Variants in TSPAN9 observed in about 807,000 individuals in gnomAD.
TSPAN9 encodes the protein tetraspanin 9.
In TSPAN9, 16 loss-of-function variants were observed where a neutral mutation model predicts 31.0. That is an observed-to-expected ratio of 0.52 (90% CI 0.35 to 0.78). TSPAN9 has a LOEUF of 0.78. TSPAN9 is among the 30% of genes least tolerant of loss of function. The pLI is 0.01. For synonymous variants in TSPAN9, 145 were observed against 121.6 expected (o/e 1.19, Z -1.27); for missense variants, 272 against 312.5 (o/e 0.87, Z 0.98).
chr12:3,194,386 G>GT (rs2098366062), intron 2 of TSPAN9, among the ~76,000 whole-genome samples: 1 of 151,976 alleles, frequency 6.6e-6, no homozygotes, highest in African/African-American at 2.4e-5. Context: ...AACCCTGCTT[G>GT]TTTTTTTCTT....
intron 2 of TSPAN9, among the ~76,000 whole-genome samples, chr12:3,116,374 C>G (rs2098322424): frequency 2.0e-5 from 3 of 152,166 alleles, no homozygotes; most frequent in Non-Finnish European, 4.4e-5. Context: ...TTTTGGGTAC[C>G]TACCATGTGA....
chr12:3,091,475 A>G (rs557329479), intron 2 of TSPAN9, among the ~76,000 whole-genome samples: 2 of 152,344 alleles, frequency 1.3e-5, no homozygotes, highest in South Asian at 2.1e-4. Flanking sequence ...TCATTAATGC[A>G]TCCCCAAACC....
intron 2 of TSPAN9, among the ~76,000 whole-genome samples, chr12:3,105,804 G>A (rs1484306954): frequency 6.2e-5 from 7 of 113,370 alleles, no homozygotes; most frequent in Non-Finnish European, 1.1e-4. Context: ...ACGCACACAT[G>A]CGCACACACG....
chr12:3,082,895 T>G (rs915540045), intron 1 of TSPAN9, among the ~76,000 whole-genome samples: 8 of 152,224 alleles, frequency 5.3e-5, no homozygotes, highest in African/African-American at 1.9e-4. Flanking sequence ...AAATCACTGC[T>G]GTGAGGCACA....
intron 3 of TSPAN9, among the ~76,000 whole-genome samples, chr12:3,219,404 A>G (rs1254073168): frequency 2.6e-5 from 4 of 151,996 alleles, no homozygotes; most frequent in Admixed American, 2.6e-4. Flanking sequence ...CTCCTGCGGG[A>G]GCTGTGTTTG....
At chr12:3,260,356 G>T (rs1326628817) in intron 3 of TSPAN9, among the ~76,000 whole-genome samples, 2 of 152,238 alleles carry the variant, frequency 1.3e-5, no homozygotes, top group Admixed American at 1.3e-4. Context: ...CCCAGTGGAT[G>T]TAACACCATT....
intron 3 of TSPAN9, among the ~76,000 whole-genome samples, chr12:3,207,752 G>A (rs1276300047): frequency 3.9e-5 from 6 of 152,026 alleles, no homozygotes; most frequent in African/African-American, 1.2e-4. Flanking sequence ...TCAGGACCAC[G>A]CAGAGAGGCC....
At chr12:3,260,960 A>G (rs1337252188) in intron 3 of TSPAN9, among the ~76,000 whole-genome samples, 2 of 152,224 alleles carry the variant, frequency 1.3e-5, no homozygotes, top group Admixed American at 6.5e-5. Flanking sequence ...ATGATCAGCC[A>G]TATCCCTTGG....
At chr12:3,093,206 C>A (rs1214205662) in intron 2 of TSPAN9, among the ~76,000 whole-genome samples, 3 of 152,218 alleles carry the variant, frequency 2.0e-5, no homozygotes, top group Admixed American at 2.0e-4. Flanking sequence ...GATGGGATGG[C>A]AGTCTGGTTT....
chr12:3,279,614 G>A (rs766873132), intron 5 of TSPAN9, among the ~76,000 whole-genome samples: 3 of 152,230 alleles, frequency 2.0e-5, no homozygotes, highest in Non-Finnish European at 2.9e-5. Flanking sequence ...TGGGCAGTTC[G>A]CAGTCAAGAG....
intron 3 of TSPAN9, among the ~76,000 whole-genome samples, chr12:3,277,821 G>A (rs1384160263): frequency 6.6e-6 from 1 of 152,170 alleles, no homozygotes; most frequent in African/African-American, 2.4e-5. Flanking sequence ...CCCGCACACT[G>A]GCCAGGCCCC....
chr12:3,098,934 G>T (rs928725810), intron 2 of TSPAN9, among the ~76,000 whole-genome samples: 1 of 152,000 alleles, frequency 6.6e-6, no homozygotes, highest in African/African-American at 2.4e-5. Flanking sequence ...TGTGTTTTTA[G>T]TAAAGATGGG....
At chr12:3,150,431 T>C (rs939296916) in intron 2 of TSPAN9, among the ~76,000 whole-genome samples, 1 of 152,174 alleles carries the variant, frequency 6.6e-6, no homozygotes, top group Non-Finnish European at 1.5e-5. Context: ...ATATATGGGC[T>C]CTGCAGGTGG....
chr12:3,125,476 G>A (rs1307822107), intron 2 of TSPAN9, among the ~76,000 whole-genome samples: 2 of 152,122 alleles, frequency 1.3e-5, no homozygotes, highest in Non-Finnish European at 1.5e-5. Context: ...TTAATTGGAT[G>A]TAAATTTACA....
rs138898354 is a variant in TSPAN9 at position 3,185,095 on chromosome 12, C to T, written c.-17-16082C>T. Among the ~76,000 whole-genome samples the T allele has an allele frequency of 6.6e-5, 10 of 152,272 alleles. 1 individual carries two copies. Among genetic ancestry groups the T allele is most frequent in the African/African-American group, 2.2e-4 (9 of 41,536 alleles). Reference sequence around the variant, plus strand: ...AGTGAAGACTGTGTTCTCCCTAGACCACTTCCATCATGTTTGGTTTCAGCA... The same window carrying T: ...AGTGAAGACTGTGTTCTCCCTAGACTACTTCCATCATGTTTGGTTTCAGCA... On this transcript the variant is annotated intron_variant, in intron 2 of 8. Transcript: ENST00000011898.
At chr12:3,160,861 G>A (rs1444661504) in intron 2 of TSPAN9, among the ~76,000 whole-genome samples, 1 of 152,102 alleles carries the variant, frequency 6.6e-6, no homozygotes, top group Non-Finnish European at 1.5e-5. Flanking sequence ...TATATGATTT[G>A]CAAATATTTT....
chr12:3,135,145 C>T (rs1004499), intron 2 of TSPAN9, among the ~76,000 whole-genome samples: 32,534 of 152,054 alleles, frequency 0.21, 4,450 homozygotes, highest in Admixed American at 0.35. Flanking sequence ...TGCAGTGTCA[C>T]GATCGGAGCT....
At chr12:3,277,646 T>G (rs1358736537) in intron 3 of TSPAN9, among the ~76,000 whole-genome samples, 1 of 152,074 alleles carries the variant, frequency 6.6e-6, no homozygotes, top group Non-Finnish European at 1.5e-5. Flanking sequence ...ATAAGACAGA[T>G]GTGGAGATTT....
chr12:3,198,429 C>CCACCAGCACAGGTCA (rs1565610355), intron 2 of TSPAN9, among the ~76,000 whole-genome samples: 6 of 106,592 alleles, frequency 5.6e-5, no homozygotes, highest in Non-Finnish European at 1.2e-4. Flanking sequence ...GCACAGCTCA[C>CCACCAGCACAGGTCA]CACCAGCACA....
Sources: allele counts gnomAD v4.1 joint callset (sites outside exome capture counted in the v4.1 genomes callset), GRCh38; gene constraint gnomAD v4.1.1; transcripts MANE v1.5; gene names NCBI Gene and HGNC (gene_info 2026-07-23, HGNC 2026-07-21).